The following CACNB2 variants were observed in gnomAD, a reference collection of about 807,000 sequenced individuals.
CACNB2 encodes calcium voltage-gated channel auxiliary subunit beta 2.
CACNB2 carries 42 observed loss-of-function variants against 73.3 expected under a neutral mutation model. That is an observed-to-expected ratio of 0.57 (90% CI 0.45 to 0.74). The LOEUF (loss-of-function observed/expected upper bound fraction) is 0.74, where lower values mean the gene tolerates loss of function less well. CACNB2 is among the 30% of genes least tolerant of loss of function. The pLI is 0.00. For synonymous variants in CACNB2, 348 were observed against 310.3 expected (o/e 1.12, Z -1.28); for missense variants, 940 against 853.0 (o/e 1.10, Z -1.27).
At chr10:18,197,477 G>T (rs924765887) in intron 2 of CACNB2, among the ~76,000 whole-genome samples, 3 of 152,178 alleles carry the variant, frequency 2.0e-5, no homozygotes, top group Non-Finnish European at 4.4e-5. Context: ...AAGCACCCCA[G>T]TGTGTTTCTT....
chr10:18,380,040 C>A (rs187342473), intron 2 of CACNB2, among the ~76,000 whole-genome samples: 9 of 152,304 alleles, frequency 5.9e-5, no homozygotes, highest in Admixed American at 2.0e-4. Flanking sequence ...ATTTCATATA[C>A]ATGGAATTAT....
chr10:18,154,318 A>G (rs958799199), intron 2 of CACNB2, among the ~76,000 whole-genome samples: 1 of 151,996 alleles, frequency 6.6e-6, no homozygotes, highest in Non-Finnish European at 1.5e-5. Context: ...AACTTGGAGA[A>G]TATCAGAGAG....
intron 3 of CACNB2, among the ~76,000 whole-genome samples, chr10:18,487,508 A>G (rs1273199009): frequency 6.6e-6 from 1 of 152,150 alleles, no homozygotes; most frequent in Non-Finnish European, 1.5e-5. Context: ...TGGTGAAACC[A>G]GGTGGTTGGT....
At position 18,416,609 on chromosome 10, in the gene CACNB2, G is replaced by C. The variant is rs368786104; in HGVS notation, c.333+14566G>C. Among the ~76,000 whole-genome samples, 96 of 152,216 alleles carry C rather than the reference G, an allele frequency of 6.3e-4. 2 individuals carry two copies. The highest frequency in any genetic ancestry group is 3.4e-3 in the Middle Eastern group (1 of 294). ...TTTTTTTTAGTAGAGACAGGGTTTT[G>C]CCATATTGGCCAGAGTGGTCTTGAA... On this transcript the variant is annotated intron_variant, in intron 3 of 13. Transcript: ENST00000324631.
rs2053989452 is a variant in CACNB2, at chr10:18,540,162, C to CTGTT, written c.*440_*443dup. 3 of 191,648 alleles carry CTGTT rather than the reference C, an allele frequency of 1.6e-5. No individual in the cohort carries two copies. Among genetic ancestry groups the CTGTT allele is most frequent in the African/African-American group, 7.2e-5 (3 of 41,736 alleles). 11.9% of individuals were successfully genotyped at this position (191,648 alleles called of 1,614,324 possible). On this transcript the variant is annotated 3_prime_UTR_variant, in exon 14 of 14. Transcript: ENST00000324631. ...GATTTGCATATTCATTCATGGACCA[C>CTGTT]TGTTTCTTGCTTGTACCTCTGGCTG...
Position 18,538,194 on chromosome 10 carries a change from G to A in CACNB2, c.1317G>A (p.Val439=). ...TGCCTCTGCAGGAGCTGTTCGATGT[G>A]ATCTTGGATGAGAACCAGCTTGAGG... The part of the protein sequence containing the change: ...LAQCPPELFD[V]ILDENQLEDA... The change falls in exon 13 of 14, where the codon GTG becomes GTA. Residue 439 remains valine, a synonymous_variant. Coordinates refer to ENST00000324631, the MANE Select transcript of CACNB2 (RefSeq NM_201596.3). 1 of 1,614,102 alleles carries A rather than the reference G, an allele frequency of 6.2e-7. No individual in the cohort carries two copies. The highest frequency in any genetic ancestry group is 1.1e-5 in the South Asian group (1 of 91,070).
chr10:18,196,810 A>T (rs568151790), intron 2 of CACNB2, among the ~76,000 whole-genome samples: 1 of 152,146 alleles, frequency 6.6e-6, no homozygotes, highest in Admixed American at 6.6e-5. Flanking sequence ...TCCTAAAAGT[A>T]ATTTAGGGAG....
chr10:18,432,248 G>C (rs1343818526), intron 3 of CACNB2, among the ~76,000 whole-genome samples: 1 of 152,096 alleles, frequency 6.6e-6, no homozygotes, highest in Non-Finnish European at 1.5e-5. Context: ...TATTCTATTT[G>C]AAGTAAGATT....
intron 2 of CACNB2, among the ~76,000 whole-genome samples, chr10:18,377,003 A>G (rs2042825575): frequency 6.6e-6 from 1 of 152,224 alleles, no homozygotes; most frequent in South Asian, 2.1e-4. Context: ...CTAAAAGAGC[A>G]TAATTGAATT....
chr10:18,461,532 G>T lies in CACNB2; in HGVS notation c.334-36823G>T, dbSNP rs531397014. On this transcript the variant is annotated intron_variant, in intron 3 of 13. Transcript: ENST00000324631. ...CAACCTTTTTGGCACCAGGGAACGA[G>T]TTTCCTGGAAGACTATTTTTCCACA... Among the ~76,000 whole-genome samples, 35 of 151,040 alleles carry T rather than the reference G, an allele frequency of 2.3e-4. 1 individual carries two copies. The South Asian group carries it at 6.1e-3, about 26-fold the overall frequency.
At chr10:18,208,910 G>T (rs1490414583) in intron 2 of CACNB2, among the ~76,000 whole-genome samples, 1 of 152,122 alleles carries the variant, frequency 6.6e-6, no homozygotes, top group Non-Finnish European at 1.5e-5. Flanking sequence ...TGAACCCAGG[G>T]CGATGTTGAG....
chr10:18,222,095 C>T (rs2035815851), intron 2 of CACNB2, among the ~76,000 whole-genome samples: 1 of 152,196 alleles, frequency 6.6e-6, no homozygotes, highest in Non-Finnish European at 1.5e-5. Context: ...CAGTGTGTAT[C>T]CCTGGCAGGA....
intron 10 of CACNB2, among the ~76,000 whole-genome samples, chr10:18,531,346 C>G (rs1483013489): frequency 6.6e-6 from 1 of 152,156 alleles, no homozygotes; most frequent in Admixed American, 6.5e-5. Flanking sequence ...TCCTCCCACC[C>G]TGATAGGCCC....
At chr10:18,290,627 C>T (rs2039026153) in intron 2 of CACNB2, among the ~76,000 whole-genome samples, 1 of 152,210 alleles carries the variant, frequency 6.6e-6, no homozygotes, top group Non-Finnish European at 1.5e-5. Context: ...GTTCCTTCCA[C>T]CTCTATTTGT....
chr10:18,460,475 T>G (rs1173308040), intron 3 of CACNB2, among the ~76,000 whole-genome samples: 1 of 152,198 alleles, frequency 6.6e-6, no homozygotes, highest in Non-Finnish European at 1.5e-5. Flanking sequence ...ATTATTTCTA[T>G]TTTTTCCTGT....
chr10:18,335,046 C>G (rs747161493), intron 2 of CACNB2, among the ~76,000 whole-genome samples: 45 of 151,730 alleles, frequency 3.0e-4, no homozygotes, highest in Admixed American at 7.2e-4. Context: ...ATATATTTAT[C>G]CCATAATATG....
At chr10:18,227,923 C>T (rs551295033) in intron 2 of CACNB2, among the ~76,000 whole-genome samples, 18 of 152,272 alleles carry the variant, frequency 1.2e-4, no homozygotes, top group African/African-American at 4.3e-4. Context: ...TCCACTCCAA[C>T]ATCATAAATT....
intron 3 of CACNB2, among the ~76,000 whole-genome samples, chr10:18,445,678 C>G (rs2132566079): frequency 6.6e-6 from 1 of 152,320 alleles, no homozygotes. Context: ...GAATACAGTG[C>G]TCTGGGATGT....
chr10:18,303,804 C>T (rs1322311579), intron 2 of CACNB2, among the ~76,000 whole-genome samples: 1 of 152,136 alleles, frequency 6.6e-6, no homozygotes, highest in African/African-American at 2.4e-5. Context: ...TTTTCCAGTC[C>T]GTTCAGTGGG....
Sources: gnomAD v4.1 joint callset for allele counts (sites outside exome capture counted in the v4.1 genomes callset) on GRCh38, gnomAD v4.1.1 for gene constraint, MANE v1.5 for transcripts, NCBI Gene and HGNC (gene_info 2026-07-23, HGNC 2026-07-21) for gene names.